The following KCNH8 variants were observed in gnomAD, a reference collection of about 807,000 sequenced individuals.
KCNH8 encodes potassium voltage-gated channel subfamily H member 8, also known as voltage-gated delayed rectifier potassium channel KCNH8.
KCNH8 carries 70 observed loss-of-function variants against 103.6 expected under a neutral mutation model. The ratio of observed to expected loss-of-function variants is 0.68; its 90% confidence interval spans 0.56 to 0.82. The LOEUF (loss-of-function observed/expected upper bound fraction) is 0.82, where lower values mean the gene tolerates loss of function less well. Ranked by LOEUF, KCNH8 falls within the 40% of genes least tolerant of loss-of-function variation. KCNH8 has a pLI of 0.00. For synonymous variants in KCNH8, 498 were observed against 489.4 expected (o/e 1.02, Z -0.23); for missense variants, 1,217 against 1,329.9 (o/e 0.92, Z 1.32).
intron 3 of KCNH8, among the ~76,000 whole-genome samples, chr3:19,331,605 T>G (rs2065510265): frequency 6.6e-6 from 1 of 152,124 alleles, no homozygotes; most frequent in Non-Finnish European, 1.5e-5. Flanking sequence ...ATTTTTAATT[T>G]TTATGGGTAC....
intron 1 of KCNH8, among the ~76,000 whole-genome samples, chr3:19,236,002 G>A (rs2064060153): frequency 6.6e-6 from 1 of 152,200 alleles, no homozygotes; most frequent in Non-Finnish European, 1.5e-5. Flanking sequence ...ATAAATGATA[G>A]TTTTATGTAT....
At chr3:19,410,075 TCTCATCTG>T (rs1330948690) in intron 7 of KCNH8, among the ~76,000 whole-genome samples, 1 of 152,110 alleles carries the variant, frequency 6.6e-6, no homozygotes, top group African/African-American at 2.4e-5. Context: ...TATATGCTCT[TCTCATCTG>T]GACATCTGGA....
intron 14 of KCNH8, 65 bp downstream of exon 14, chr3:19,515,493 T>C: frequency 2.8e-6 from 2 of 702,956 alleles, no homozygotes; most frequent in African/African-American, 4.2e-5. Context: ...ATGTTTGTTA[T>C]GGGCATTTTT....
chr3:19,199,000 A>G lies in KCNH8; in HGVS notation c.76+50205A>G, dbSNP rs572182632. Among the ~76,000 whole-genome samples, 19 of 152,216 alleles carry G rather than the reference A, an allele frequency of 1.2e-4. No homozygotes were observed. In the South Asian group the frequency reaches 2.9e-3, roughly 23 times the overall value. On this transcript the variant is annotated intron_variant, in intron 1 of 15. Transcript: ENST00000328405. The stretch of plus-strand genomic sequence containing the variant: ...GTGGCAGGCGTCAGGTGAACAGATG[A>G]TAAAGACTGACTGGCTGACCAAGAA...
chr3:19,288,772 T>C (rs1359253967), intron 3 of KCNH8, among the ~76,000 whole-genome samples: 1 of 152,206 alleles, frequency 6.6e-6, no homozygotes, highest in East Asian at 1.9e-4. Flanking sequence ...GGTCGAATGG[T>C]ATTTCTAGTT....
chr3:19,247,022 T>A (rs2064215409), intron 1 of KCNH8, among the ~76,000 whole-genome samples: 1 of 152,218 alleles, frequency 6.6e-6, no homozygotes, highest in South Asian at 2.1e-4. Context: ...CTTTGAGCTT[T>A]GCACTGTTAC....
At chr3:19,289,573 C>T (rs1404161476) in intron 3 of KCNH8, among the ~76,000 whole-genome samples, 1 of 151,968 alleles carries the variant, frequency 6.6e-6, no homozygotes, top group Non-Finnish European at 1.5e-5. Context: ...CTGTTCTGTT[C>T]CATTGGTCTA....
intron 7 of KCNH8, among the ~76,000 whole-genome samples, chr3:19,435,520 T>C (rs1322485263): frequency 6.6e-6 from 1 of 152,196 alleles, no homozygotes; most frequent in East Asian, 1.9e-4. Flanking sequence ...TGTGCTAACC[T>C]GCTAACAAGG....
intron 7 of KCNH8, among the ~76,000 whole-genome samples, chr3:19,433,549 A>G (rs974967988): frequency 1.1e-4 from 17 of 152,224 alleles, no homozygotes; most frequent in African/African-American, 4.1e-4. Flanking sequence ...ACTGAATTCT[A>G]TGAAGGATCA....
chr3:19,203,907 A>G (rs879329407), intron 1 of KCNH8, among the ~76,000 whole-genome samples: 2 of 152,080 alleles, frequency 1.3e-5, no homozygotes, highest in African/African-American at 2.4e-5. Flanking sequence ...TTGTTCAGAT[A>G]AGATTTAAGA....
At chr3:19,455,623 T>C (rs1411616919) in intron 10 of KCNH8, among the ~76,000 whole-genome samples, 1 of 152,058 alleles carries the variant, frequency 6.6e-6, no homozygotes, top group African/African-American at 2.4e-5. Flanking sequence ...ACCAACATGG[T>C]ATTCACCAGT....
At chr3:19,206,715 T>C (rs2063720559) in intron 1 of KCNH8, among the ~76,000 whole-genome samples, 1 of 151,932 alleles carries the variant, frequency 6.6e-6, no homozygotes, top group Admixed American at 6.6e-5. Flanking sequence ...TTCTGGACAT[T>C]GTCAGTGTCC....
chr3:19,503,682 A>G (rs1020360648), intron 11 of KCNH8, among the ~76,000 whole-genome samples: 1 of 151,866 alleles, frequency 6.6e-6, no homozygotes, highest in Non-Finnish European at 1.5e-5. Flanking sequence ...TCAAGAACAA[A>G]AAACCAAACA....
intron 1 of KCNH8, among the ~76,000 whole-genome samples, chr3:19,165,960 A>G (rs1396590849): frequency 6.6e-6 from 1 of 152,198 alleles, no homozygotes; most frequent in Non-Finnish European, 1.5e-5. Flanking sequence ...CAGCCCAATA[A>G]CACAAATGAT....
intron 8 of KCNH8, among the ~76,000 whole-genome samples, chr3:19,445,193 C>T (rs767232838): frequency 5.9e-5 from 9 of 151,822 alleles, no homozygotes; most frequent in Non-Finnish European, 1.3e-4. Flanking sequence ...CGTACAAACT[C>T]AATGCTCAAC....
At chr3:19,413,226 T>C (rs1325628253) in intron 7 of KCNH8, among the ~76,000 whole-genome samples, 1 of 150,692 alleles carries the variant, frequency 6.6e-6, no homozygotes, top group African/African-American at 2.4e-5. Flanking sequence ...ATCATGCCCC[T>C]TGTAGCAACA....
chr3:19,256,948 A>T (rs1222661059), intron 2 of KCNH8, among the ~76,000 whole-genome samples: 1 of 152,064 alleles, frequency 6.6e-6, no homozygotes, highest in Non-Finnish European at 1.5e-5. Context: ...CTGTCTGCAG[A>T]TACAGTTGTG....
At chr3:19,159,179 GAATTCAACAGATTTT>G (rs1197178668) in intron 1 of KCNH8, among the ~76,000 whole-genome samples, 1 of 151,652 alleles carries the variant, frequency 6.6e-6, no homozygotes, top group East Asian at 1.9e-4. Flanking sequence ...TTAATATAAT[GAATTCAACAGATTTT>G]ATAATATTGA....
In KCNH8 at chr3:19,291,982, A is replaced by C. The variant is rs115095600; in HGVS notation, c.442+10653A>C. 2.6e-3 allele frequency among the ~76,000 whole-genome samples: 400 copies of C among 152,318 alleles called. 3 individuals carry two copies. The highest frequency in any genetic ancestry group is 8.8e-3 in the African/African-American group (368 of 41,582). On this transcript the variant is annotated intron_variant, in intron 3 of 15. Transcript: ENST00000328405. ...GCCCTCACCTGTGTGATAGTGGTTA[A>C]TGTCTTTTAAAAGTTCCTTTCCTCT...
Sources: gnomAD v4.1 joint callset for allele counts (sites outside exome capture counted in the v4.1 genomes callset) on GRCh38, gnomAD v4.1.1 for gene constraint, MANE v1.5 for transcripts, NCBI Gene and HGNC (gene_info 2026-07-23, HGNC 2026-07-21) for gene names.